KCNQ1: variants seen among roughly 807,000 people sequenced by gnomAD.
KCNQ1 encodes potassium voltage-gated channel subfamily KQT member 1.
KCNQ1 carries 49 observed loss-of-function variants against 72.4 expected under a neutral mutation model. The ratio of observed to expected loss-of-function variants is 0.68; its 90% CI spans 0.54 to 0.86. The LOEUF (loss-of-function observed/expected upper bound fraction) is 0.86, where lower values mean the gene tolerates loss of function less well. Ranked by LOEUF, KCNQ1 falls within the 40% of genes least tolerant of loss-of-function variation. The pLI is 0.00. For missense variants in KCNQ1, 790 were observed against 945.1 expected, an observed-to-expected ratio of 0.84 and a Z score of 2.15; for synonymous variants, 450 against 412.6, an observed-to-expected ratio of 1.09 and a Z score of -1.10.
intron 10 of KCNQ1, chr11:2,625,791 A>G: frequency 2.5e-6 from 1 of 397,916 alleles, no homozygotes; most frequent in Non-Finnish European, 4.4e-6. Flanking sequence ...GGATGGTCTC[A>G]ATCTCCTGAC....
Position 2,677,779 on chromosome 11 carries a change from C to T in KCNQ1, c.1514+15698C>T. On this transcript the variant is annotated intron_variant, in intron 11 of 15. Coordinates refer to ENST00000155840, the MANE Select transcript of KCNQ1 (RefSeq NM_000218.3). The surrounding 1 kb of genome is among the most constrained non-coding windows in gnomAD (Gnocchi z 4.5). ...TTTACTTTAAGAGATCCTCCCTTTC[C>T]CCCCATTTCCAGCAGGATTAAAATG... is the stretch of plus-strand genomic sequence containing the variant. 1 of 398,376 alleles carries T rather than the reference C, an allele frequency of 2.5e-6. No homozygotes were observed. Among genetic ancestry groups the T allele is most frequent in the Non-Finnish European group, 4.4e-6 (1 of 226,014 alleles). The allele number at this position is 398,376 out of a possible 1,614,324, so 24.7% of individuals were successfully genotyped here.
At chr11:2,461,397 C>A in intron 1 of KCNQ1, 1 of 1,265,470 alleles carries the variant, frequency 7.9e-7, no homozygotes, top group African/African-American at 1.5e-5. Flanking sequence ...AGGAGATAAG[C>A]CTGCTGACTG....
rs1347719532 is a variant in KCNQ1, at chr11:2,687,479, A to T, written c.1514+25398A>T. The T allele has an allele frequency of 1.8e-5, 7 of 398,660 alleles. No homozygotes were observed. Among genetic ancestry groups the T allele is most frequent in the Non-Finnish European group, 3.1e-5 (7 of 226,248 alleles). 24.7% of individuals were successfully genotyped at this position (398,660 alleles called of 1,614,324 possible). A position where few individuals can be genotyped will look rare whatever the true frequency, so the allele number is the denominator to read the frequency against. On this transcript the variant is annotated intron_variant, in intron 11 of 15. Transcript: ENST00000155840. The surrounding 1 kb of genome is among the most constrained non-coding windows in gnomAD (Gnocchi z 5.0). ...ACAAGAGCTGCTGCAGCATTTCAAT[A>T]GGGCCATCCCAGGCACCCTAGGACT...
At chr11:2,506,721 A>C (rs79500518) in intron 1 of KCNQ1, among the ~76,000 whole-genome samples, 1 of 152,234 alleles carries the variant, frequency 6.6e-6, no homozygotes, top group African/African-American at 2.4e-5. Flanking sequence ...CCAGCAATGC[A>C]TGAGCATACC....
rs1259368908 is a variant in KCNQ1 at position 2,550,615 on chromosome 11, C to T, written c.478-20013C>T. Among the ~76,000 whole-genome samples the T allele has an allele frequency of 6.6e-6, 1 of 152,096 alleles. No individual in the cohort carries two copies. The highest frequency in any genetic ancestry group is 6.5e-5 in the Admixed American group (1 of 15,278). ...TGAGCTGAGTGACCGGAAGAGGGGG[C>T]GCCTCCCTGAGCAGGTGAATGAAGG... On this transcript the variant is annotated intron_variant, in intron 2 of 15. Coordinates refer to ENST00000155840, the MANE Select transcript of KCNQ1 (RefSeq NM_000218.3). This position sits in a 1 kb window ranked among gnomAD's most constrained non-coding sequence, Gnocchi z 6.0.
chr11:2,505,810 C>T (rs61026321), intron 1 of KCNQ1, among the ~76,000 whole-genome samples: 16,410 of 151,998 alleles, frequency 0.11, 2,885 homozygotes, highest in African/African-American at 0.37. Flanking sequence ...TTGTGTTTGC[C>T]ATTTGCATGG....
chr11:2,801,393 G>T (rs1194033698), intron 15 of KCNQ1, among the ~76,000 whole-genome samples: 1 of 152,244 alleles, frequency 6.6e-6, no homozygotes, highest in African/African-American at 2.4e-5. Flanking sequence ...TTCAGACCAG[G>T]GGACTTAGGT....
At chr11:2,665,403 GT>G (rs755258789) in intron 11 of KCNQ1, 5 of 397,964 alleles carry the variant, frequency 1.3e-5, no homozygotes, top group African/African-American at 2.1e-5. Flanking sequence ...GCCAGGATGA[GT>G]TCCTGGGATT....
In KCNQ1 at chr11:2,735,081, C is replaced by T. The variant is rs555463482; in HGVS notation, c.1515-33763C>T. On this transcript the variant is annotated intron_variant, in intron 11 of 15. Coordinates refer to ENST00000155840, the MANE Select transcript of KCNQ1 (RefSeq NM_000218.3). This position sits in a 1 kb window ranked among gnomAD's most constrained non-coding sequence, Gnocchi z 7.7. ...AGCCCTGCCTTGTCATCACCTGTGC[C>T]GTGGCTGTCAGCGCGCATCTGGCTT... Among the ~76,000 whole-genome samples the T allele has an allele frequency of 3.3e-5, 5 of 152,248 alleles. No homozygotes were observed. The highest frequency in any genetic ancestry group is 6.5e-5 in the Admixed American group (1 of 15,294).
In KCNQ1 at chr11:2,815,384, G is replaced by A. The variant is rs1053210422; in HGVS notation, c.1795-32383G>A. 2.9e-4 allele frequency among the ~76,000 whole-genome samples: 44 copies of A among 152,134 alleles called. No homozygotes were observed. Among genetic ancestry groups the A allele is most frequent in the African/African-American group, 1.1e-3 (44 of 41,432 alleles). ...TCAGGGAGCTCATGGGCACCTCTGG[G>A]TTCTAAGAAGCTATGCTGAGGCCCA... On this transcript the variant is annotated intron_variant, in intron 15 of 15. Transcript: ENST00000155840. This position sits in a 1 kb window ranked among gnomAD's most constrained non-coding sequence, Gnocchi z 5.4.
chr11:2,534,605 C>T (rs552005562), intron 2 of KCNQ1, among the ~76,000 whole-genome samples: 49 of 152,352 alleles, frequency 3.2e-4, no homozygotes, highest in Non-Finnish European at 5.4e-4. Context: ...ACTGGTTGCC[C>T]AGGGACGGGG....
chr11:2,619,761 GT>G, intron 10 of KCNQ1: 1 of 397,762 alleles, frequency 2.5e-6, no homozygotes, highest in Admixed American at 4.4e-5. Context: ...TTTTGGAAGA[GT>G]TTAAGAAGTA....
At position 2,549,379 on chromosome 11, in the gene KCNQ1, G is replaced by A. The variant is rs147011574; in HGVS notation, c.478-21249G>A. On this transcript the variant is annotated intron_variant, in intron 2 of 15. Transcript: ENST00000155840. This position sits in a 1 kb window ranked among gnomAD's most constrained non-coding sequence, Gnocchi z 6.2. ...CTCCTTGGCCGTCCTTGCCATCCTC[G>A]CCATCCTCTCTCCACACATCTGACC... Among the ~76,000 whole-genome samples, 1,001 of 152,198 alleles carry A rather than the reference G, an allele frequency of 6.6e-3. 10 individuals are homozygous for A. The highest frequency in any genetic ancestry group is 0.023 in the African/African-American group (951 of 41,530).
chr11:2,692,241 G>C (rs1850600194), intron 11 of KCNQ1: 1 of 398,720 alleles, frequency 2.5e-6, no homozygotes, highest in African/African-American at 2.1e-5. Flanking sequence ...ATCACCTCAA[G>C]CCCATCACCA....
intron 11 of KCNQ1, chr11:2,689,588 C>T (rs1274158259): frequency 1.5e-5 from 6 of 398,562 alleles, no homozygotes; most frequent in African/African-American, 1.2e-4. Flanking sequence ...GCAGTGGTGT[C>T]TTCTAGATTC....
chr11:2,758,804 G>T (rs141628206), intron 11 of KCNQ1, among the ~76,000 whole-genome samples: 1 of 152,176 alleles, frequency 6.6e-6, no homozygotes, highest in Non-Finnish European at 1.5e-5. Flanking sequence ...CCGAAAGGTC[G>T]CATGCTGTGT....
At chr11:2,739,508 T>C (rs1441891570) in intron 11 of KCNQ1, among the ~76,000 whole-genome samples, 1 of 152,208 alleles carries the variant, frequency 6.6e-6, no homozygotes. Context: ...AAAAGGACAT[T>C]TCGTAGAACA....
In KCNQ1 at chr11:2,683,339, A is replaced by G. The variant is rs1302899567; in HGVS notation, c.1514+21258A>G. 2 of 398,398 alleles carry G rather than the reference A, an allele frequency of 5.0e-6. No individual in the cohort carries two copies. Among genetic ancestry groups the G allele is most frequent in the Non-Finnish European group, 4.4e-6 (1 of 226,054 alleles). The allele number at this position is 398,398 out of a possible 1,614,324, so 24.7% of individuals were successfully genotyped here. A position where few individuals can be genotyped will look rare whatever the true frequency, so the allele number is the denominator to read the frequency against. On this transcript the variant is annotated intron_variant, in intron 11 of 15. Transcript: ENST00000155840. The surrounding 1 kb of genome is among the most constrained non-coding windows in gnomAD (Gnocchi z 4.7). ...GGCCAGGTTTCCCCCGCTCAACACT[A>G]GGCCACTGTGCCTGCCACTGCTGTC...
At position 2,704,575 on chromosome 11, in the gene KCNQ1, C is replaced by G. The variant is rs974903828; in HGVS notation, c.1514+42494C>G. ...GGCAAGGCAGTGCCAAGGATCAGAT[C>G]TCCCTTCTAGAAAGGTCACTCTGGC... On this transcript the variant is annotated intron_variant, in intron 11 of 15. Coordinates refer to ENST00000155840, the MANE Select transcript of KCNQ1 (RefSeq NM_000218.3). The surrounding 1 kb of genome is among the most constrained non-coding windows in gnomAD (Gnocchi z 4.3). Among the ~76,000 whole-genome samples, 1 of 152,174 alleles carries G rather than the reference C, an allele frequency of 6.6e-6. No homozygotes were observed. The highest frequency in any genetic ancestry group is 2.4e-5 in the African/African-American group (1 of 41,440).
Sources: allele counts gnomAD v4.1 joint callset (sites outside exome capture counted in the v4.1 genomes callset), GRCh38; gene constraint gnomAD v4.1.1; non-coding constraint Gnocchi (gnomAD v3.1); transcripts MANE v1.5; gene names NCBI Gene and HGNC (gene_info 2026-07-23, HGNC 2026-07-21).